The following SLIT2 variants were observed in gnomAD, a reference collection of about 807,000 sequenced individuals.
SLIT2 encodes slit homolog 2 protein.
Under a neutral mutation model 185.7 loss-of-function variants are expected in SLIT2, and 41 were observed. The observed-to-expected ratio is 0.22, with a 90% CI of 0.17 to 0.29. The LOEUF (loss-of-function observed/expected upper bound fraction) is 0.29. SLIT2 is among the 10% of genes least tolerant of loss of function. SLIT2 has a pLI of 1.00. For synonymous variants in SLIT2, 693 were observed against 680.2 expected, an observed-to-expected ratio of 1.02 and a Z score of -0.29; for missense variants, 1,571 against 1,909.0, an observed-to-expected ratio of 0.82 and a Z score of 3.30.
intron 4 of SLIT2, among the ~76,000 whole-genome samples, chr4:20,280,833 G>GTTTTTTTGTTT (rs1553871314): frequency 9.2e-5 from 12 of 130,642 alleles, no homozygotes; most frequent in African/African-American, 3.6e-4. Flanking sequence ...TTAAAAAAAT[G>GTTTTTTTGTTT]TTTTTTTTTT....
intron 4 of SLIT2, among the ~76,000 whole-genome samples, chr4:20,339,990 C>T (rs1720830355): frequency 6.6e-6 from 1 of 152,154 alleles, no homozygotes; most frequent in African/African-American, 2.4e-5. Flanking sequence ...CATTACTAAT[C>T]CCCTCCATCT....
At chr4:20,515,094 A>T (rs1720085306) in intron 11 of SLIT2, among the ~76,000 whole-genome samples, 1 of 152,208 alleles carries the variant, frequency 6.6e-6, no homozygotes, top group Non-Finnish European at 1.5e-5. Flanking sequence ...TGCTAAGCAT[A>T]TGACCTTTAG....
chr4:20,297,642 T>G (rs181101710), intron 4 of SLIT2, among the ~76,000 whole-genome samples: 51 of 152,080 alleles, frequency 3.4e-4, no homozygotes, highest in Admixed American at 1.5e-3. Context: ...GAAATTTAAG[T>G]TGTTAAGAGA....
intron 9 of SLIT2, among the ~76,000 whole-genome samples, chr4:20,502,441 G>T (rs1441326126): frequency 6.6e-6 from 1 of 152,200 alleles, no homozygotes; most frequent in African/African-American, 2.4e-5. Context: ...AAAGGGGACA[G>T]TCTCAACCTT....
intron 32 of SLIT2, 28 bp downstream of exon 32, chr4:20,596,683 G>A: frequency 6.3e-7 from 1 of 1,589,930 alleles, no homozygotes; most frequent in South Asian, 1.1e-5. Context: ...ATGGAGAGAT[G>A]ATCGGATCTT....
rs146350089 is a variant in SLIT2, at chr4:20,449,793, C to G, written c.396-17959C>G. ...TAACTAGACTATTGAGGAATTAAAA[C>G]TAACTGATAATTAGAAACTTTATGG... is the stretch of plus-strand genomic sequence containing the variant. On this transcript the variant is annotated intron_variant, in intron 4 of 36. Coordinates refer to ENST00000504154, the MANE Select transcript of SLIT2 (RefSeq NM_004787.4). Among the ~76,000 whole-genome samples, 239 of 152,210 alleles carry G rather than the reference C, an allele frequency of 1.6e-3. 1 individual carries two copies. The highest frequency in any genetic ancestry group is 5.4e-3 in the African/African-American group (226 of 41,516).
chr4:20,456,727 G>A (rs1713109241), intron 4 of SLIT2, among the ~76,000 whole-genome samples: 1 of 152,056 alleles, frequency 6.6e-6, no homozygotes. Context: ...TCCATGCTAT[G>A]TTGACTAAAT....
Position 20,253,696 on chromosome 4 carries a change from C to T in SLIT2, c.-120C>T. 2 of 1,211,134 alleles carry T rather than the reference C, an allele frequency of 1.7e-6. No individual in the cohort carries two copies. The highest frequency in any genetic ancestry group is 1.2e-6 in the Non-Finnish European group (1 of 858,484). The allele number at this position is 1,211,134 out of a possible 1,614,324, so 75.0% of individuals were successfully genotyped here. On this transcript the variant is annotated 5_prime_UTR_variant, in exon 1 of 37. Coordinates refer to ENST00000504154, the MANE Select transcript of SLIT2 (RefSeq NM_004787.4). ...TCCATATTATTTGGTGCACATTTTC[C>T]CTGGCACTCTGGGTTGCTAGCCCCG...
chr4:20,345,538 TTTTTTC>T (rs1313369235), intron 4 of SLIT2, among the ~76,000 whole-genome samples: 1 of 110,792 alleles, frequency 9.0e-6, no homozygotes, highest in Non-Finnish European at 2.0e-5. Context: ...TCCTTTTTTC[TTTTTTC>T]TTTTTTTTTG....
chr4:20,360,903 G>A (rs145773115), intron 4 of SLIT2, among the ~76,000 whole-genome samples: 24 of 152,214 alleles, frequency 1.6e-4, no homozygotes, highest in African/African-American at 5.5e-4. Flanking sequence ...GACTTACCCT[G>A]TGAGCTCACT....
chr4:20,590,805 A>G (rs1727457150), intron 30 of SLIT2, among the ~76,000 whole-genome samples: 1 of 152,228 alleles, frequency 6.6e-6, no homozygotes, highest in Non-Finnish European at 1.5e-5. Context: ...TCATTTAAAC[A>G]TGAGGAAACC....
intron 4 of SLIT2, among the ~76,000 whole-genome samples, chr4:20,292,798 TTTGGTCTACTTGAAGCTGCCGTATTTA>T (rs1716088751): frequency 6.6e-6 from 1 of 152,216 alleles, no homozygotes; most frequent in African/African-American, 2.4e-5. Context: ...TTCTTTATTT[TTTGGTCTACTTGAAGCTGCCGTATTTA>T]TTATATGATT....
intron 4 of SLIT2, among the ~76,000 whole-genome samples, chr4:20,291,332 C>A (rs1715793697): frequency 6.6e-6 from 1 of 150,876 alleles, no homozygotes; most frequent in Non-Finnish European, 1.5e-5. Context: ...GTGATCTTAT[C>A]ACTGGATTGC....
chr4:20,332,677 A>C (rs532089641), intron 4 of SLIT2, among the ~76,000 whole-genome samples: 21 of 152,302 alleles, frequency 1.4e-4, no homozygotes, highest in Non-Finnish European at 2.6e-4. Flanking sequence ...CCTTCTCAAA[A>C]AAAAACAAAA....
intron 4 of SLIT2, chr4:20,392,215 C>T (rs1275382975): frequency 1.3e-5 from 2 of 152,042 alleles, no homozygotes; most frequent in Non-Finnish European, 2.9e-5. Flanking sequence ...GCTTCAAACC[C>T]ATACAGCATG....
intron 4 of SLIT2, among the ~76,000 whole-genome samples, chr4:20,280,934 G>A (rs1488475086): frequency 1.3e-5 from 2 of 150,686 alleles, no homozygotes; most frequent in East Asian, 3.9e-4. Flanking sequence ...CTGGGTTCAA[G>A]CGATTCTCCT....
At chr4:20,501,888 A>G (rs977729620) in intron 9 of SLIT2, among the ~76,000 whole-genome samples, 3 of 152,202 alleles carry the variant, frequency 2.0e-5, no homozygotes, top group Admixed American at 6.5e-5. Context: ...ATTATCTTCA[A>G]AAGGCTTCAT....
chr4:20,297,092 A>C (rs181476103), intron 4 of SLIT2, among the ~76,000 whole-genome samples: 1 of 152,230 alleles, frequency 6.6e-6, no homozygotes, highest in Admixed American at 6.5e-5. Flanking sequence ...GCTTCCTTAC[A>C]AATAGTTTCC....
At chr4:20,330,290 C>G (rs1423071099) in intron 4 of SLIT2, among the ~76,000 whole-genome samples, 1 of 152,000 alleles carries the variant, frequency 6.6e-6, no homozygotes, top group South Asian at 2.1e-4. Flanking sequence ...AACTCCTTTC[C>G]TGCATATAAC....
Sources: gnomAD v4.1 joint callset for allele counts (sites outside exome capture counted in the v4.1 genomes callset) on GRCh38, gnomAD v4.1.1 for gene constraint, MANE v1.5 for transcripts, NCBI Gene and HGNC (gene_info 2026-07-23, HGNC 2026-07-21) for gene names.